PLEKHG1: variants seen among roughly 807,000 people sequenced by gnomAD.
The protein encoded by PLEKHG1 is pleckstrin homology and RhoGEF domain containing G1.
Under a neutral mutation model 100.8 loss-of-function variants are expected in PLEKHG1, and 44 were observed. The observed-to-expected ratio is 0.44, with a 90% confidence interval of 0.34 to 0.56. PLEKHG1 has a LOEUF of 0.56. Ranked by LOEUF, PLEKHG1 falls within the 20% of genes least tolerant of loss-of-function variation. The probability of loss-of-function intolerance (pLI) is 0.01; values close to 1 mark genes in which losing one functional copy is unlikely to be tolerated. For synonymous variants in PLEKHG1, 640 were observed against 662.5 expected (o/e 0.97, Z 0.52); for missense variants, 1,545 against 1,720.9 (o/e 0.90, Z 1.81).
chr6:150,807,152 A>C (rs1290434310), intron 7 of PLEKHG1, among the ~76,000 whole-genome samples: 5 of 152,214 alleles, frequency 3.3e-5, no homozygotes, highest in Admixed American at 6.5e-5. Flanking sequence ...CTAATTTATT[A>C]TCAGTTATTG....
intron 2 of PLEKHG1, among the ~76,000 whole-genome samples, chr6:150,762,967 T>C (rs1319275190): frequency 6.6e-6 from 1 of 151,928 alleles, no homozygotes; most frequent in Non-Finnish European, 1.5e-5. Flanking sequence ...AACTCTGAAC[T>C]TCTTTTACAT....
At chr6:150,700,349 C>T (rs1047041622) in intron 3 of PLEKHG1, among the ~76,000 whole-genome samples, 4 of 152,130 alleles carry the variant, frequency 2.6e-5, no homozygotes, top group African/African-American at 7.2e-5. Context: ...CAACCATCTG[C>T]GAACTTGCTA....
chr6:150,640,001 G>T (rs945260611), intron 2 of PLEKHG1, among the ~76,000 whole-genome samples: 1 of 152,230 alleles, frequency 6.6e-6, no homozygotes, highest in Admixed American at 6.5e-5. Flanking sequence ...CTAAAGAAGT[G>T]AAATGACTCC....
intron 3 of PLEKHG1, among the ~76,000 whole-genome samples, chr6:150,701,369 C>G (rs1311431601): frequency 7.7e-6 from 1 of 130,392 alleles, no homozygotes; most frequent in Non-Finnish European, 1.6e-5. Context: ...TGGGTTATAT[C>G]TGTAGATGAC....
intron 1 of PLEKHG1, among the ~76,000 whole-genome samples, chr6:150,616,492 A>G (rs1426030591): frequency 2.6e-5 from 4 of 152,200 alleles, no homozygotes; most frequent in Admixed American, 2.6e-4. Context: ...GTTGGCTATT[A>G]AAGTACTTGA....
At chr6:150,804,522 G>A (rs542937291) in intron 6 of PLEKHG1, 88 bp from the exon 8 acceptor site, 4 of 1,064,206 alleles carry the variant, frequency 3.8e-6, no homozygotes, top group South Asian at 1.7e-5. Context: ...TAAAATATAA[G>A]GAACTAATCA....
chr6:150,770,768 T>G (rs574130659), intron 3 of PLEKHG1, among the ~76,000 whole-genome samples: 16 of 152,316 alleles, frequency 1.1e-4, no homozygotes, highest in African/African-American at 3.8e-4. Context: ...TGTGAGCCCC[T>G]GCACAGTTTC....
At chr6:150,602,786 C>G (rs1486817767) in intron 1 of PLEKHG1, among the ~76,000 whole-genome samples, 1 of 152,172 alleles carries the variant, frequency 6.6e-6, no homozygotes, top group Non-Finnish European at 1.5e-5. Context: ...CCCTGCCCCT[C>G]TTGAACTGCA....
At chr6:150,759,727 G>C (rs753481715) in intron 2 of PLEKHG1, among the ~76,000 whole-genome samples, 2 of 152,162 alleles carry the variant, frequency 1.3e-5, no homozygotes, top group Non-Finnish European at 2.9e-5. Flanking sequence ...GATGATTGCC[G>C]GGTGTGGTAG....
chr6:150,731,492 A>G (rs542279319), intron 1 of PLEKHG1, among the ~76,000 whole-genome samples: 3 of 152,344 alleles, frequency 2.0e-5, no homozygotes, highest in Admixed American at 6.5e-5. Context: ...ATGTTGAAGG[A>G]GAGACTTGTT....
intron 3 of PLEKHG1, among the ~76,000 whole-genome samples, chr6:150,776,114 T>C (rs1439349453): frequency 1.3e-5 from 2 of 152,194 alleles, no homozygotes; most frequent in Non-Finnish European, 2.9e-5. Context: ...TCAGAAAAGC[T>C]TCACATGGGA....
chr6:150,666,207 A>G (rs188129259), intron 3 of PLEKHG1, among the ~76,000 whole-genome samples: 1 of 152,340 alleles, frequency 6.6e-6, no homozygotes, highest in Non-Finnish European at 1.5e-5. Flanking sequence ...TAAAAGGGTC[A>G]GATGTTCCAC....
At chr6:150,784,936 C>A (rs76512895) in intron 3 of PLEKHG1, among the ~76,000 whole-genome samples, 1 of 151,700 alleles carries the variant, frequency 6.6e-6, no homozygotes, top group South Asian at 2.1e-4. Context: ...GTTAAGAAGG[C>A]TGGCCACGGT....
chr6:150,756,820 C>G (rs1263292777), intron 2 of PLEKHG1, among the ~76,000 whole-genome samples: 1 of 152,138 alleles, frequency 6.6e-6, no homozygotes, highest in Non-Finnish European at 1.5e-5. Flanking sequence ...CAAATGAACA[C>G]TGTTTGAGTA....
At chr6:150,790,712 G>A (rs1389934472) in intron 4 of PLEKHG1, among the ~76,000 whole-genome samples, 1 of 152,160 alleles carries the variant, frequency 6.6e-6, no homozygotes, top group Non-Finnish European at 1.5e-5. Flanking sequence ...ATGAAGTACT[G>A]TGAAGCAGTA....
At chr6:150,768,567 C>G in intron 2 of PLEKHG1, 71 bp from the exon 4 acceptor site, 1 of 794,774 alleles carries the variant, frequency 1.3e-6, no homozygotes. Context: ...ATGAAAGATG[C>G]ACTGGGCATA....
intron 3 of PLEKHG1, among the ~76,000 whole-genome samples, chr6:150,769,894 G>T (rs987020034): frequency 6.6e-6 from 1 of 152,072 alleles, no homozygotes; most frequent in African/African-American, 2.4e-5. Context: ...TATTATGCCT[G>T]TTGTTCCTTT....
intron 2 of PLEKHG1, among the ~76,000 whole-genome samples, chr6:150,759,098 G>A (rs554693263): frequency 1.3e-5 from 2 of 152,318 alleles, no homozygotes; most frequent in African/African-American, 2.4e-5. Context: ...GTGGCCCACC[G>A]TGTGGTGGCT....
At chr6:150,732,138 A>T (rs1583021156) in intron 1 of PLEKHG1, among the ~76,000 whole-genome samples, 1 of 150,938 alleles carries the variant, frequency 6.6e-6, no homozygotes, top group Admixed American at 6.6e-5. Flanking sequence ...ATTTTTTTGT[A>T]TTTTTTTTAG....
Sources: allele counts gnomAD v4.1 joint callset (sites outside exome capture counted in the v4.1 genomes callset), GRCh38; gene constraint gnomAD v4.1.1; transcripts MANE v1.5; gene names NCBI Gene and HGNC (gene_info 2026-07-23, HGNC 2026-07-21).